SNX24: variants seen among roughly 807,000 people sequenced by gnomAD.
The protein encoded by SNX24 is sorting nexin 24.
SNX24 carries 22 observed loss-of-function variants against 28.7 expected under a neutral mutation model. That is an observed-to-expected ratio of 0.77 (90% CI 0.55 to 1.10). The LOEUF (loss-of-function observed/expected upper bound fraction) is 1.10. SNX24 is among the 50% of genes least tolerant of loss of function. The pLI is 0.00. For synonymous variants in SNX24, 69 were observed against 71.5 expected (o/e 0.96, Z 0.18); for missense variants, 221 against 201.1 (o/e 1.10, Z -0.60).
chr5:122,871,761 ACT>A (rs993600458), intron 1 of SNX24, among the ~76,000 whole-genome samples: 1 of 151,990 alleles, frequency 6.6e-6, no homozygotes, highest in Non-Finnish European at 1.5e-5. Flanking sequence ...CAAAAGTGAA[ACT>A]CTGTCTCAAA....
rs147078691 is a variant in SNX24, at chr5:123,023,894, A to G, written n.384-5344A>G. ...GTTGTGTCACCAATCAGCGATCTCA[A>G]CCACAAAAGGCGTTTTCACGTCTAT... On this transcript the variant is annotated intron_variant and non_coding_transcript_variant, in intron 5 of 5. Transcript: ENST00000502387. 1.5e-3 allele frequency: 2,490 copies of G among 1,613,606 alleles called. 1 individual carries two copies. The highest frequency in any genetic ancestry group is 2.0e-3 in the Non-Finnish European group (2,304 of 1,179,922).
At chr5:123,003,858 GT>G (rs1380096932) in intron 6 of SNX24, among the ~76,000 whole-genome samples, 2 of 152,232 alleles carry the variant, frequency 1.3e-5, no homozygotes, top group Non-Finnish European at 2.9e-5. Context: ...TGGATCACAG[GT>G]TTGATGGATG....
chr5:122,980,184 A>AT (rs911586616), intron 3 of SNX24, among the ~76,000 whole-genome samples: 10 of 151,478 alleles, frequency 6.6e-5, no homozygotes, highest in South Asian at 2.1e-4. Flanking sequence ...ATTTTTTGCA[A>AT]TTTTTTTTTG....
At chr5:122,971,095 G>A (rs760050986) in intron 3 of SNX24, among the ~76,000 whole-genome samples, 8 of 152,214 alleles carry the variant, frequency 5.3e-5, no homozygotes, top group Non-Finnish European at 1.0e-4. Flanking sequence ...CAGAGAAGCT[G>A]ACAGTGTAGC....
At chr5:122,884,343 C>T (rs1351805870) in intron 1 of SNX24, among the ~76,000 whole-genome samples, 1 of 147,950 alleles carries the variant, frequency 6.8e-6, no homozygotes, top group Admixed American at 6.8e-5. Flanking sequence ...CCTCCGCCTC[C>T]CTGGTTCAAG....
chr5:122,945,661 GA>G (rs1408811042), intron 2 of SNX24, among the ~76,000 whole-genome samples: 1 of 152,084 alleles, frequency 6.6e-6, no homozygotes, highest in African/African-American at 2.4e-5. Context: ...TTCTTTATAT[GA>G]AAAACATGTA....
intron 1 of SNX24, among the ~76,000 whole-genome samples, chr5:122,918,337 T>A (rs776207565): frequency 2.0e-5 from 3 of 152,184 alleles, no homozygotes; most frequent in Non-Finnish European, 4.4e-5. Context: ...TAAGTGACCA[T>A]ATAATGAATA....
intron 3 of SNX24, among the ~76,000 whole-genome samples, chr5:122,991,990 A>G (rs1761871595): frequency 1.3e-5 from 2 of 152,222 alleles, no homozygotes; most frequent in Non-Finnish European, 2.9e-5. Context: ...GGAAAGATAA[A>G]ATATTCCAAT....
At chr5:122,985,411 AC>A (rs1761558840) in intron 3 of SNX24, among the ~76,000 whole-genome samples, 1 of 152,184 alleles carries the variant, frequency 6.6e-6, no homozygotes, top group Non-Finnish European at 1.5e-5. Context: ...GAGATTGTCC[AC>A]TTGGTGGATC....
intron 3 of SNX24, among the ~76,000 whole-genome samples, chr5:122,997,023 C>T (rs908513531): frequency 2.0e-5 from 3 of 152,092 alleles, no homozygotes; most frequent in Non-Finnish European, 4.4e-5. Context: ...TGAGGTCCAG[C>T]CTTACTGTTC....
intron 3 of SNX24, among the ~76,000 whole-genome samples, chr5:122,990,277 A>G (rs1215992794): frequency 6.6e-6 from 1 of 152,232 alleles, no homozygotes; most frequent in Non-Finnish European, 1.5e-5. Context: ...CATCAATTAC[A>G]TTACTGTAGC....
rs1041637801 is a variant in SNX24, at chr5:122,871,825, C to G, written c.60+26132C>G. ...TGACCTCATCCTGCTCGAGGAAGTT[C>G]TAAGGAGTGTCATTGTTAAGTTTTG... On this transcript the variant is annotated intron_variant, in intron 1 of 6. Coordinates refer to ENST00000261369, the MANE Select transcript of SNX24 (RefSeq NM_014035.4). 5.9e-5 allele frequency among the ~76,000 whole-genome samples: 9 copies of G among 152,080 alleles called. No individual in the cohort carries two copies. The South Asian group carries it at 8.3e-4, about 14-fold the overall frequency.
chr5:122,978,807 A>G (rs1175337707), intron 3 of SNX24, among the ~76,000 whole-genome samples: 4 of 152,214 alleles, frequency 2.6e-5, no homozygotes, highest in African/African-American at 9.6e-5. Flanking sequence ...CCAAGACTTA[A>G]TAAGGCAGAG....
intron 2 of SNX24, among the ~76,000 whole-genome samples, chr5:122,942,720 C>G (rs1759510804): frequency 6.6e-6 from 1 of 152,186 alleles, no homozygotes; most frequent in Non-Finnish European, 1.5e-5. Context: ...CTGGACACAG[C>G]AGGGCCAGGA....
chr5:122,888,378 T>C (rs1756807136), intron 1 of SNX24, among the ~76,000 whole-genome samples: 1 of 152,200 alleles, frequency 6.6e-6, no homozygotes. Context: ...AGTTCAAGTC[T>C]TGGCGCTATT....
intron 3 of SNX24, among the ~76,000 whole-genome samples, chr5:122,976,997 A>T (rs1581823022): frequency 6.6e-6 from 1 of 151,724 alleles, no homozygotes; most frequent in Admixed American, 6.6e-5. Flanking sequence ...TCTTATCCAC[A>T]TTACCATTCT....
At chr5:123,021,167 C>G (rs1160864646) in intron 5 of SNX24, among the ~76,000 whole-genome samples, 1 of 149,374 alleles carries the variant, frequency 6.7e-6, no homozygotes, top group African/African-American at 2.5e-5. Context: ...ACCACCCCTT[C>G]ACTGTCTATT....
chr5:122,880,353 A>C (rs1756423934), intron 1 of SNX24, among the ~76,000 whole-genome samples: 1 of 152,226 alleles, frequency 6.6e-6, no homozygotes, highest in South Asian at 2.1e-4. Flanking sequence ...AGGTGGTTAG[A>C]ATGGGGCTGA....
chr5:122,850,613 T>C (rs1444021952), intron 1 of SNX24, among the ~76,000 whole-genome samples: 1 of 151,876 alleles, frequency 6.6e-6, no homozygotes, highest in Non-Finnish European at 1.5e-5. Context: ...ACAGCAGCAG[T>C]GTGACTACCG....
Sources: gnomAD v4.1 joint callset for allele counts (sites outside exome capture counted in the v4.1 genomes callset) on GRCh38, gnomAD v4.1.1 for gene constraint, MANE v1.5 for transcripts, NCBI Gene and HGNC (gene_info 2026-07-23, HGNC 2026-07-21) for gene names.